RAB11FIP4: variants seen among roughly 807,000 people sequenced by gnomAD.
RAB11FIP4 encodes rab11 family-interacting protein 4.
RAB11FIP4 carries 23 observed loss-of-function variants against 74.3 expected under a neutral mutation model. The ratio of observed to expected loss-of-function variants is 0.31; its 90% CI spans 0.22 to 0.44. RAB11FIP4 has a LOEUF of 0.44. RAB11FIP4 is among the 20% of genes least tolerant of loss of function. The pLI is 1.00. For missense variants in RAB11FIP4, 630 were observed against 863.9 expected, an observed-to-expected ratio of 0.73 and a Z score of 3.39; for synonymous variants, 360 against 359.9, an observed-to-expected ratio of 1.00 and a Z score of 0.00.
Position 31,423,643 on chromosome 17 carries a change from C to T in RAB11FIP4, c.160-8170C>T, listed in dbSNP as rs117978071. The stretch of plus-strand genomic sequence containing the variant: ...TTTTCAAAGCCTTTGCAGTGCTATT[C>T]AGATCCACCCCAAGTATACATACTC... On this transcript the variant is annotated intron_variant, in intron 1 of 14. Transcript: ENST00000621161. Among the ~76,000 whole-genome samples the T allele has an allele frequency of 9.7e-3, 1,475 of 151,932 alleles. 15 individuals carry two copies. The highest frequency in any genetic ancestry group is 0.044 in the Middle Eastern group (13 of 294).
At chr17:31,494,735 C>T (rs142914889) in intron 3 of RAB11FIP4, among the ~76,000 whole-genome samples, 3 of 152,136 alleles carry the variant, frequency 2.0e-5, no homozygotes, top group African/African-American at 4.8e-5. Flanking sequence ...CCGCGGCCCC[C>T]CAAAGTGCTG....
chr17:31,478,631 C>T (rs932084974), intron 3 of RAB11FIP4, among the ~76,000 whole-genome samples: 1 of 152,196 alleles, frequency 6.6e-6, no homozygotes, highest in East Asian at 1.9e-4. Context: ...TCCTTCCCTC[C>T]CTCCCTGGAG....
chr17:31,484,984 C>A (rs921101817), intron 3 of RAB11FIP4, among the ~76,000 whole-genome samples: 2 of 152,186 alleles, frequency 1.3e-5, no homozygotes, highest in African/African-American at 4.8e-5. Context: ...GGCCCTTGGC[C>A]CCGGCACCCA....
chr17:31,463,979 A>AT (rs2142720349), intron 3 of RAB11FIP4, among the ~76,000 whole-genome samples: 1 of 149,364 alleles, frequency 6.7e-6, no homozygotes, highest in Non-Finnish European at 1.5e-5. Context: ...CACTCAGCTA[A>AT]TTTTTTGTAT....
chr17:31,519,007 CTTTTTTTTTTTTT>C (rs1190316585), intron 4 of RAB11FIP4, among the ~76,000 whole-genome samples: 1,204 of 74,036 alleles, frequency 0.016, 36 homozygotes, highest in African/African-American at 0.058. Flanking sequence ...TAAGTTTTGT[CTTTTTTTTTTTTT>C]TTTTTTTTTT....
At position 31,531,957 on chromosome 17, in the gene RAB11FIP4, G is replaced by A. The variant is rs2072879546; in HGVS notation, c.*225G>A. On this transcript the variant is annotated 3_prime_UTR_variant, in exon 15 of 15. Transcript: ENST00000621161. Reference sequence around the variant, plus strand: ...ACACGGTTAGCCGTGCATGCACTTTGTGGCCCCTTTGCAAGGGGCAGAGGG... The same window carrying A: ...ACACGGTTAGCCGTGCATGCACTTTATGGCCCCTTTGCAAGGGGCAGAGGG... The A allele has an allele frequency of 2.0e-6, 1 of 505,374 alleles. No homozygotes were observed. Among genetic ancestry groups the A allele is most frequent in the African/African-American group, 1.9e-5 (1 of 52,168 alleles). 31.3% of individuals were successfully genotyped at this position (505,374 alleles called of 1,614,324 possible).
chr17:31,514,852 G>T (rs954177374), intron 3 of RAB11FIP4, among the ~76,000 whole-genome samples: 2 of 152,246 alleles, frequency 1.3e-5, no homozygotes, highest in Non-Finnish European at 2.9e-5. Context: ...GCGTTAGGCG[G>T]CATGCTAAGG....
Position 31,413,545 on chromosome 17 carries a change from G to C in RAB11FIP4, c.160-18268G>C, listed in dbSNP as rs556623394. On this transcript the variant is annotated intron_variant, in intron 1 of 14. Transcript: ENST00000621161. The stretch of plus-strand genomic sequence containing the variant: ...CCTCAGACCCTTCGAGCACCTCTAC[G>C]GCCTGGCCTTGGCTACCCTCTCCCT... 4.3e-5 allele frequency among the ~76,000 whole-genome samples: 6 copies of C among 140,534 alleles called. No individual in the cohort carries two copies. In the East Asian group the frequency reaches 1.3e-3, roughly 30 times the overall value. 92.2% of individuals were successfully genotyped at this position (140,534 alleles called of 152,430 possible). A position where few individuals can be genotyped will look rare whatever the true frequency, so the allele number is the denominator to read the frequency against.
chr17:31,418,448 T>C (rs1324149825), intron 1 of RAB11FIP4, among the ~76,000 whole-genome samples: 1 of 148,946 alleles, frequency 6.7e-6, no homozygotes, highest in Non-Finnish European at 1.5e-5. Context: ...CAACTTTGTA[T>C]GTGCAGTTCC....
In RAB11FIP4 at chr17:31,508,654, C is replaced by T. The variant is rs183196639; in HGVS notation, c.337-8997C>T. 1.5e-3 allele frequency among the ~76,000 whole-genome samples: 221 copies of T among 152,348 alleles called. 1 individual carries two copies. Among genetic ancestry groups the T allele is most frequent in the Non-Finnish European group, 2.9e-3 (194 of 68,032 alleles). ...TCCCTCTTGGTGCTTCCCAGGAGACCACTCGCTTAGCCCCTCCCTGAGGAC... is the reference window on the plus strand; with the variant it reads ...TCCCTCTTGGTGCTTCCCAGGAGACTACTCGCTTAGCCCCTCCCTGAGGAC... On this transcript the variant is annotated intron_variant, in intron 3 of 14. Coordinates refer to ENST00000621161, the MANE Select transcript of RAB11FIP4 (RefSeq NM_032932.6).
intron 1 of RAB11FIP4, among the ~76,000 whole-genome samples, chr17:31,411,291 G>A (rs1398010326): frequency 1.3e-5 from 2 of 152,220 alleles, no homozygotes; most frequent in African/African-American, 4.8e-5. Context: ...GTGAACCTGG[G>A]AGGCAGAGGT....
chr17:31,521,805 A>C (rs1411076721), intron 5 of RAB11FIP4, 110 bp from the exon 6 acceptor site: 1 of 1,280,482 alleles, frequency 7.8e-7, no homozygotes, highest in Non-Finnish European at 1.1e-6. Context: ...CCTCCCCCGT[A>C]ACAAGGTTCA....
At chr17:31,524,314 C>T (rs886408466) in intron 9 of RAB11FIP4, 3 of 317,474 alleles carry the variant, frequency 9.4e-6, no homozygotes, top group South Asian at 3.8e-5. Context: ...AGGAGCCTGA[C>T]GTCCCTTCCT....
At chr17:31,432,516 T>C (rs2071320996) in intron 2 of RAB11FIP4, among the ~76,000 whole-genome samples, 1 of 152,028 alleles carries the variant, frequency 6.6e-6, no homozygotes, top group Admixed American at 6.6e-5. Context: ...TACACCACCA[T>C]GCCTGGCTAA....
chr17:31,491,612 AACT>A (rs1401807953), intron 3 of RAB11FIP4, among the ~76,000 whole-genome samples: 1 of 152,182 alleles, frequency 6.6e-6, no homozygotes, highest in Non-Finnish European at 1.5e-5. Flanking sequence ...CTGTCCACAG[AACT>A]ACAAGACAGG....
intron 1 of RAB11FIP4, among the ~76,000 whole-genome samples, chr17:31,422,982 C>T (rs567185281): frequency 1.1e-4 from 16 of 147,402 alleles, no homozygotes; most frequent in African/African-American, 3.3e-4. Context: ...TGCAGTGGCA[C>T]GATCTCGGCT....
At chr17:31,514,820 G>A (rs1026954021) in intron 3 of RAB11FIP4, among the ~76,000 whole-genome samples, 1 of 152,254 alleles carries the variant, frequency 6.6e-6, no homozygotes, top group African/African-American at 2.4e-5. Context: ...AGGGCGTTAA[G>A]TGGATGGACG....
chr17:31,477,996 CTTT>C (rs35308777), intron 3 of RAB11FIP4, among the ~76,000 whole-genome samples: 8 of 132,590 alleles, frequency 6.0e-5, no homozygotes, highest in Admixed American at 7.8e-5. Context: ...GCTGTTAATA[CTTT>C]TTTTTTTTTT....
At chr17:31,520,642 C>T (rs960950572) in intron 4 of RAB11FIP4, among the ~76,000 whole-genome samples, 14 of 152,064 alleles carry the variant, frequency 9.2e-5, no homozygotes, top group African/African-American at 3.1e-4. Context: ...TGAGTAGCTG[C>T]GACTACAGGT....
Sources: allele counts gnomAD v4.1 joint callset (sites outside exome capture counted in the v4.1 genomes callset), GRCh38; gene constraint gnomAD v4.1.1; transcripts MANE v1.5; gene names NCBI Gene and HGNC (gene_info 2026-07-23, HGNC 2026-07-21).